Variants in ITPR2 observed in about 807,000 individuals in gnomAD.
ITPR2 encodes the protein inositol 1,4,5-trisphosphate receptor type 2.
In ITPR2, 207 loss-of-function variants were observed where a neutral mutation model predicts 317.1. The observed-to-expected ratio is 0.65, with a 90% CI of 0.58 to 0.73. The LOEUF is 0.73. Ranked by LOEUF, ITPR2 falls within the 30% of genes least tolerant of loss-of-function variation. The pLI, the probability that ITPR2 is intolerant of heterozygous loss-of-function variation, is 0.00. For synonymous variants in ITPR2, 1,156 were observed against 1,149.1 expected, an observed-to-expected ratio of 1.01 and a Z score of -0.12; for missense variants, 2,613 against 3,284.0, an observed-to-expected ratio of 0.80 and a Z score of 4.99.
At chr12:26,715,123 G>A (rs2137030180) in intron 8 of ITPR2, among the ~76,000 whole-genome samples, 176 bp downstream of exon 8, 1 of 152,096 alleles carries the variant, frequency 6.6e-6, no homozygotes, top group African/African-American at 2.4e-5. Context: ...ACAGGCTTAG[G>A]AAACAGTTTC....
Position 26,613,563 on chromosome 12 carries a change from G to GACAC in ITPR2, c.3462+7556_3462+7559dup, listed in dbSNP as rs10574347. 8.7e-3 allele frequency among the ~76,000 whole-genome samples: 1,299 copies of GACAC among 148,814 alleles called. 18 individuals carry two copies. The highest frequency in any genetic ancestry group is 0.025 in the African/African-American group (1,016 of 40,402). On this transcript the variant is annotated intron_variant, in intron 26 of 56. Coordinates refer to ENST00000381340, the MANE Select transcript of ITPR2 (RefSeq NM_002223.4). Reference sequence around the variant, plus strand: ...TCTGAGTTTTGCTATATCATACACAGACACACACACACACACACACACACA... The same window carrying GACAC: ...TCTGAGTTTTGCTATATCATACACAGACACACACACACACACACACACACACACA...
At position 26,487,068 on chromosome 12, in the gene ITPR2, C is replaced by T; in HGVS notation, c.5554G>A (p.Val1852Ile). The change falls in exon 40 of 57, where the codon GTA (valine) becomes ATA (isoleucine). Residue 1852 changes from valine (V) to isoleucine (I), a missense_variant and splice_region_variant. Coordinates refer to ENST00000381340, the MANE Select transcript of ITPR2 (RefSeq NM_002223.4). Reference sequence around the variant, plus strand: ...CCCAAATACTCAAATACTTCTTTACCTCTCATTCGTGGACCAGATGTCATC... The same window carrying T: ...CCCAAATACTCAAATACTTCTTTACTTCTCATTCGTGGACCAGATGTCATC... ...ELMTSGPRMRVRDSTLHLKEG... is the reference protein window; with the variant it reads ...ELMTSGPRMRIRDSTLHLKEG... The T allele has an allele frequency of 6.2e-7, 1 of 1,610,586 alleles. No individual in the cohort carries two copies. The highest frequency in any genetic ancestry group is 8.5e-7 in the Non-Finnish European group (1 of 1,177,646).
chr12:26,747,280 C>A (rs1380831074), intron 2 of ITPR2, among the ~76,000 whole-genome samples: 1 of 152,156 alleles, frequency 6.6e-6, no homozygotes, highest in Non-Finnish European at 1.5e-5. Context: ...TCTGAAAATG[C>A]CGGTAATCAC....
At chr12:26,400,057 T>C (rs1940122993) in intron 53 of ITPR2, 71 bp downstream of exon 53, 2 of 1,460,296 alleles carry the variant, frequency 1.4e-6, no homozygotes, top group South Asian at 1.5e-5. Context: ...CAAAACTAAA[T>C]TATAAATGCT....
intron 55 of ITPR2, among the ~76,000 whole-genome samples, chr12:26,352,465 A>G (rs1591955398): frequency 6.6e-6 from 1 of 152,174 alleles, no homozygotes. Flanking sequence ...TGAATGTTGT[A>G]ATCCTTTCCA....
chr12:26,753,728 A>G (rs1338325706), intron 2 of ITPR2, among the ~76,000 whole-genome samples: 3 of 152,180 alleles, frequency 2.0e-5, no homozygotes, highest in Non-Finnish European at 2.9e-5. Context: ...GTCTTTCTGT[A>G]TTGTTCTGTC....
intron 37 of ITPR2, among the ~76,000 whole-genome samples, chr12:26,543,647 T>C (rs556965591): frequency 6.6e-6 from 1 of 152,128 alleles, no homozygotes; most frequent in Non-Finnish European, 1.5e-5. Context: ...CAGGTGCCTG[T>C]AATCCCAGCT....
chr12:26,459,474 A>G (rs1941963330), intron 45 of ITPR2, among the ~76,000 whole-genome samples: 1 of 152,132 alleles, frequency 6.6e-6, no homozygotes, highest in Non-Finnish European at 1.5e-5. Context: ...CTTCCCCTCC[A>G]TCAATAGATT....
At chr12:26,565,858 AGAGGG>A (rs1565607457) in intron 34 of ITPR2, among the ~76,000 whole-genome samples, 6 of 80,498 alleles carry the variant, frequency 7.5e-5, no homozygotes, top group East Asian at 3.9e-4. Context: ...AGAGGAGAGG[AGAGGG>A]GAGGGGAGGA....
intron 9 of ITPR2, among the ~76,000 whole-genome samples, chr12:26,703,793 T>C (rs1948499239): frequency 6.6e-6 from 1 of 152,216 alleles, no homozygotes. Flanking sequence ...CAACAGTTAC[T>C]GAAGGCAAAT....
In ITPR2 at chr12:26,606,281, C is replaced by T. The variant is rs569901051; in HGVS notation, c.3463-3575G>A. 6.6e-5 allele frequency among the ~76,000 whole-genome samples: 10 copies of T among 152,054 alleles called. No individual in the cohort carries two copies. The South Asian group carries it at 1.5e-3, about 22-fold the overall frequency. ...TGACAATAGTGATGAAAAATAAATACGATGCTCCAAACGTCCTTGCATTTT... is the reference window on the plus strand; with the variant it reads ...TGACAATAGTGATGAAAAATAAATATGATGCTCCAAACGTCCTTGCATTTT... On this transcript the variant is annotated intron_variant, in intron 26 of 56. Transcript: ENST00000381340.
intron 32 of ITPR2, 78 bp downstream of exon 32, chr12:26,595,387 C>T (rs1245476545): frequency 2.9e-6 from 4 of 1,376,240 alleles, no homozygotes; most frequent in African/African-American, 3.0e-5. Context: ...AATTTAACTG[C>T]AAGTTTTCAT....
chr12:26,644,817 C>T (rs939091714), intron 21 of ITPR2, among the ~76,000 whole-genome samples: 2 of 152,106 alleles, frequency 1.3e-5, no homozygotes, highest in African/African-American at 4.8e-5. Flanking sequence ...CTTGGACCTC[C>T]TAGCCTCCTG....
chr12:26,624,809 A>G (rs1946583412), intron 23 of ITPR2, among the ~76,000 whole-genome samples: 1 of 151,880 alleles, frequency 6.6e-6, no homozygotes, highest in Non-Finnish European at 1.5e-5. Context: ...TTGAGCTACC[A>G]TATGATCCAG....
chr12:26,632,157 G>A (rs1946768692), intron 21 of ITPR2, 98 bp from the exon 22 acceptor site: 1 of 897,328 alleles, frequency 1.1e-6, no homozygotes, highest in South Asian at 2.4e-5. Context: ...AAGCAGCCAG[G>A]AAAAGGATTC....
chr12:26,449,591 A>T (rs370451764), intron 45 of ITPR2, among the ~76,000 whole-genome samples: 6 of 152,206 alleles, frequency 3.9e-5, no homozygotes, highest in Admixed American at 2.6e-4. Flanking sequence ...ATCACATTAG[A>T]TTTGGTGGCA....
At chr12:26,699,686 A>G (rs1948410781) in intron 9 of ITPR2, among the ~76,000 whole-genome samples, 1 of 152,182 alleles carries the variant, frequency 6.6e-6, no homozygotes, top group Non-Finnish European at 1.5e-5. Context: ...AAAGAAGGAC[A>G]AAAAGCCACC....
chr12:26,514,110 T>A (rs1248033557), intron 37 of ITPR2, among the ~76,000 whole-genome samples: 2 of 152,348 alleles, frequency 1.3e-5, no homozygotes, highest in East Asian at 3.9e-4. Context: ...TTTTTTAATA[T>A]TTTATCAGCT....
intron 55 of ITPR2, among the ~76,000 whole-genome samples, chr12:26,371,569 T>C (rs1321687567): frequency 2.6e-5 from 4 of 152,174 alleles, no homozygotes; most frequent in Non-Finnish European, 5.9e-5. Flanking sequence ...TTTAGGTGGA[T>C]TGGCCACAAA....
Sources: allele counts gnomAD v4.1 joint callset (sites outside exome capture counted in the v4.1 genomes callset), GRCh38; gene constraint gnomAD v4.1.1; transcripts MANE v1.5; gene names NCBI Gene and HGNC (gene_info 2026-07-23, HGNC 2026-07-21).